The following ARHGAP6 variants were observed in gnomAD, a reference collection of about 807,000 sequenced individuals.
ARHGAP6 encodes rho GTPase-activating protein 6.
Under a neutral mutation model 55.7 loss-of-function variants are expected in ARHGAP6, and 16 were observed. That is an observed-to-expected ratio of 0.29 (90% CI 0.19 to 0.44). The LOEUF (loss-of-function observed/expected upper bound fraction) is 0.44. ARHGAP6 is among the 20% of genes least tolerant of loss of function. ARHGAP6 has a pLI of 1.00. For synonymous variants in ARHGAP6, 382 were observed against 360.9 expected, an observed-to-expected ratio of 1.06 and a Z score of -0.66; for missense variants, 698 against 808.9, an observed-to-expected ratio of 0.86 and a Z score of 1.66.
intron 1 of ARHGAP6, among the ~76,000 whole-genome samples, chrX:11,312,988 A>G (rs1410406452): frequency 1.8e-5 from 2 of 112,308 alleles, no homozygotes; most frequent in African/African-American, 6.5e-5. Context: ...GGGGGAAATA[A>G]CAGTAATCTT....
At chrX:11,470,906 C>A (rs138414418) in intron 1 of ARHGAP6, among the ~76,000 whole-genome samples, 9,607 of 111,364 alleles carry the variant, frequency 0.086, 449 homozygotes, top group East Asian at 0.18. Flanking sequence ...TGAACTGGGC[C>A]TTGCAAACCT....
chrX:11,521,638 T>G (rs935012853), intron 1 of ARHGAP6, among the ~76,000 whole-genome samples: 2 of 110,090 alleles, frequency 1.8e-5, no homozygotes, highest in Non-Finnish European at 3.8e-5. Flanking sequence ...CTTAGCGATG[T>G]GGGCTCTTTT....
At chrX:11,459,710 C>T (rs2050225636) in intron 1 of ARHGAP6, among the ~76,000 whole-genome samples, 2 of 111,551 alleles carry the variant, frequency 1.8e-5, no homozygotes, top group South Asian at 7.6e-4. Flanking sequence ...ACTGAAATCA[C>T]CAGTTTCATT....
At chrX:11,458,317 T>C (rs1476387492) in intron 1 of ARHGAP6, among the ~76,000 whole-genome samples, 2 of 112,396 alleles carry the variant, frequency 1.8e-5, no homozygotes, top group African/African-American at 6.5e-5. Flanking sequence ...CCTCGGCCTC[T>C]TGCCACTCCA....
chrX:11,512,048 G>C (rs932207647), intron 1 of ARHGAP6, among the ~76,000 whole-genome samples: 11 of 111,046 alleles, frequency 9.9e-5, no homozygotes, highest in African/African-American at 3.3e-4. Context: ...GGATGGTCTT[G>C]ATCTCCTGAC....
At chrX:11,413,800 A>T (rs961558030) in intron 1 of ARHGAP6, among the ~76,000 whole-genome samples, 4 of 112,349 alleles carry the variant, frequency 3.6e-5, no homozygotes, top group African/African-American at 1.3e-4. Flanking sequence ...ACTATTTTTA[A>T]CTTAAAATTT....
chrX:11,261,689 A>G (rs2047564062), intron 1 of ARHGAP6, among the ~76,000 whole-genome samples: 1 of 112,024 alleles, frequency 8.9e-6, no homozygotes, highest in Admixed American at 9.5e-5. Flanking sequence ...ATTCTAGGGT[A>G]CTATGTGACA....
At chrX:11,425,984 G>A (rs2049874761) in intron 1 of ARHGAP6, among the ~76,000 whole-genome samples, 1 of 111,674 alleles carries the variant, frequency 9.0e-6, no homozygotes, top group African/African-American at 3.3e-5. Context: ...AACCTCTGTT[G>A]AAAAGTGGTT....
intron 1 of ARHGAP6, among the ~76,000 whole-genome samples, chrX:11,431,905 G>A (rs2049943785): frequency 8.9e-6 from 1 of 111,824 alleles, no homozygotes; most frequent in South Asian, 3.8e-4. Context: ...TTACAGCAGG[G>A]TTTCTCAACC....
chrX:11,231,741 T>C (rs1602925317), intron 2 of ARHGAP6, among the ~76,000 whole-genome samples: 1 of 112,412 alleles, frequency 8.9e-6, no homozygotes, highest in East Asian at 2.8e-4. Context: ...AGATGTCAAA[T>C]TGAGCCAGGC....
At chrX:11,368,283 G>A (rs1264203499) in intron 1 of ARHGAP6, among the ~76,000 whole-genome samples, 3 of 112,249 alleles carry the variant, frequency 2.7e-5, no homozygotes, top group African/African-American at 9.7e-5. Flanking sequence ...TTTCGGCATG[G>A]AAGATGCACA....
chrX:11,645,127 A>G (rs977292092), intron 1 of ARHGAP6, among the ~76,000 whole-genome samples: 18 of 111,837 alleles, frequency 1.6e-4, no homozygotes, highest in Non-Finnish European at 3.0e-4. Flanking sequence ...TGAAATTCTT[A>G]AACAGACAAG....
rs1447035180 is a variant in ARHGAP6 at position 11,306,855 on chromosome X, C to T, written c.589-52148G>A. Among the ~76,000 whole-genome samples the T allele has an allele frequency of 4.5e-5, 5 of 111,964 alleles. No homozygotes were observed. The Admixed American group carries it at 4.7e-4, about 11-fold the overall frequency. The stretch of plus-strand genomic sequence containing the variant: ...CTAACTGTAACTCAAAATGAAGAAT[C>T]CCTAACTCATTAAATGCTCTGTAGT... On this transcript the variant is annotated intron_variant, in intron 1 of 12. Transcript: ENST00000337414.
chrX:11,431,507 G>T (rs1028539607), intron 1 of ARHGAP6, among the ~76,000 whole-genome samples: 1 of 112,123 alleles, frequency 8.9e-6, no homozygotes, highest in Non-Finnish European at 1.9e-5. Context: ...AGTGTAGGAA[G>T]AGCTGAGGGC....
chrX:11,520,299 C>T (rs1442858756), intron 1 of ARHGAP6, among the ~76,000 whole-genome samples: 2 of 101,900 alleles, frequency 2.0e-5, no homozygotes, highest in Non-Finnish European at 4.0e-5. Context: ...TCTCCTAATG[C>T]TATCCCTCCC....
intron 1 of ARHGAP6, among the ~76,000 whole-genome samples, chrX:11,652,833 A>T (rs2052600103): frequency 2.7e-5 from 3 of 112,033 alleles, no homozygotes; most frequent in Admixed American, 9.5e-5. Flanking sequence ...TTTAAGCACG[A>T]CATGGATGTT....
intron 1 of ARHGAP6, among the ~76,000 whole-genome samples, chrX:11,540,077 A>G (rs1368655219): frequency 9.1e-6 from 1 of 109,631 alleles, no homozygotes; most frequent in Non-Finnish European, 1.9e-5. Flanking sequence ...AAGATGGTGA[A>G]ACCCCGTCTG....
intron 1 of ARHGAP6, among the ~76,000 whole-genome samples, chrX:11,572,802 C>T (rs1376102841): frequency 3.6e-5 from 4 of 111,560 alleles, no homozygotes; most frequent in Admixed American, 2.8e-4. Context: ...TACAGTCCCA[C>T]CAACAGTGTA....
rs1416584476 is a variant in ARHGAP6, at chrX:11,143,980, CT to C, written c.2175del (p.Asp726IlefsTer17). On this transcript the variant is annotated frameshift_variant and splice_region_variant, in exon 11 of 13. Transcript: ENST00000337414. LOFTEE classifies it high-confidence loss of function. ...CGCCTGCTGGCCAGGCTCCAGTTAC[CT>C]TTCCCAAGCCTTGGTCCAGGAGAAC... Reference protein sequence around the residue: ...RESSPGPRLGKDLSEEPFDIW... With the variant: ...RESSPGPRLGXDLSEEPFDIW... 1 of 1,212,162 alleles carries C rather than the reference CT, an allele frequency of 8.2e-7. No individual in the cohort carries two copies.
Sources: gnomAD v4.1 joint callset for allele counts (sites outside exome capture counted in the v4.1 genomes callset) on GRCh38, gnomAD v4.1.1 for gene constraint, MANE v1.5 for transcripts, NCBI Gene and HGNC (gene_info 2026-07-23, HGNC 2026-07-21) for gene names.